The following KCNJ6 variants were observed in gnomAD, a reference collection of about 807,000 sequenced individuals.
KCNJ6 encodes the protein G protein-activated inward rectifier potassium channel 2.
In KCNJ6, 9 loss-of-function variants were observed where a neutral mutation model predicts 34.2. That is an observed-to-expected ratio of 0.26 (90% CI 0.16 to 0.46). The LOEUF is 0.46. KCNJ6 is among the 20% of genes least tolerant of loss of function. The probability of loss-of-function intolerance (pLI) is 1.00; values close to 1 mark genes in which losing one functional copy is unlikely to be tolerated. For synonymous variants in KCNJ6, 196 were observed against 207.1 expected (o/e 0.95, Z 0.46); for missense variants, 236 against 531.3 (o/e 0.44, Z 5.46).
At chr21:37,677,799 T>TCCAC (rs1326913105) in intron 3 of KCNJ6, among the ~76,000 whole-genome samples, 2 of 121,996 alleles carry the variant, frequency 1.6e-5, no homozygotes, top group Non-Finnish European at 3.2e-5. Context: ...CACCCACCTA[T>TCCAC]CCACCCACCC....
At chr21:37,724,660 G>A (rs149849327) in intron 2 of KCNJ6, among the ~76,000 whole-genome samples, 4 of 152,284 alleles carry the variant, frequency 2.6e-5, no homozygotes, top group South Asian at 4.1e-4. Flanking sequence ...GATCATGTTC[G>A]TTTGGGCATA....
At chr21:37,818,990 A>C (rs953737193) in intron 2 of KCNJ6, among the ~76,000 whole-genome samples, 1 of 152,208 alleles carries the variant, frequency 6.6e-6, no homozygotes, top group African/African-American at 2.4e-5. Context: ...AAATCAAGCC[A>C]CAAGTATTTT....
At chr21:37,640,223 A>G (rs1279283766) in intron 3 of KCNJ6, among the ~76,000 whole-genome samples, 1 of 152,254 alleles carries the variant, frequency 6.6e-6, no homozygotes, top group Non-Finnish European at 1.5e-5. Flanking sequence ...TTCATTTTAC[A>G]GAGCACAGTC....
chr21:37,753,558 C>T (rs969796476), intron 2 of KCNJ6, among the ~76,000 whole-genome samples: 9 of 152,254 alleles, frequency 5.9e-5, no homozygotes, highest in South Asian at 4.1e-4. Context: ...CCAAGGAACA[C>T]GACGCTCTTA....
chr21:37,912,322 C>A (rs992654618), intron 1 of KCNJ6, among the ~76,000 whole-genome samples: 1 of 152,158 alleles, frequency 6.6e-6, no homozygotes, highest in African/African-American at 2.4e-5. Context: ...AGGAAGAAAG[C>A]AAGTCATAGT....
intron 2 of KCNJ6, among the ~76,000 whole-genome samples, chr21:37,734,245 T>C (rs1476606741): frequency 6.6e-6 from 1 of 152,138 alleles, no homozygotes; most frequent in Admixed American, 6.5e-5. Context: ...AGCTGGTTTT[T>C]TTCCTGGTAG....
At chr21:37,648,012 G>A (rs1394836936) in intron 3 of KCNJ6, among the ~76,000 whole-genome samples, 1 of 152,226 alleles carries the variant, frequency 6.6e-6, no homozygotes, top group Non-Finnish European at 1.5e-5. Context: ...AGTCATGCCT[G>A]TGATCCGTGA....
intron 1 of KCNJ6, among the ~76,000 whole-genome samples, chr21:37,880,939 G>T (rs1183134383): frequency 6.6e-6 from 1 of 152,088 alleles, no homozygotes; most frequent in East Asian, 1.9e-4. Context: ...GATAGAGATG[G>T]CTCAGGAGGG....
intron 3 of KCNJ6, among the ~76,000 whole-genome samples, chr21:37,652,192 T>C (rs2054436846): frequency 6.6e-6 from 1 of 152,174 alleles, no homozygotes; most frequent in Non-Finnish European, 1.5e-5. Flanking sequence ...CTTCAGGTCA[T>C]AGGAGCCCAC....
chr21:37,910,066 A>G (rs1210580549), intron 1 of KCNJ6, among the ~76,000 whole-genome samples: 1 of 152,220 alleles, frequency 6.6e-6, no homozygotes, highest in East Asian at 1.9e-4. Flanking sequence ...ATACTGGGAT[A>G]GAGTGTTCCA....
intron 2 of KCNJ6, among the ~76,000 whole-genome samples, chr21:37,754,319 C>T (rs576771716): frequency 3.9e-5 from 6 of 152,240 alleles, no homozygotes; most frequent in East Asian, 1.9e-4. Context: ...AAAATGCAAC[C>T]GACTTTCTAA....
Position 37,616,608 on chromosome 21 carries a change from T to TATATATATAC in KCNJ6, c.*8550_*8551insGTATATATAT, listed in dbSNP as rs1410739814. The TATATATATAC allele has an allele frequency of 6.3e-5, 8 of 127,510 alleles. No individual in the cohort carries two copies. Among genetic ancestry groups the TATATATATAC allele is most frequent in the Non-Finnish European group, 1.3e-4 (8 of 60,754 alleles). The allele number at this position is 127,510 out of a possible 1,614,324, so 7.9% of individuals were successfully genotyped here. ...AAATGTACATATATATATATATATATATATATATGGTTAGACTCTGAACAT... is the reference window on the plus strand; with the variant it reads ...AAATGTACATATATATATATATATATATATATATACATATATATGGTTAGACTCTGAACAT... On this transcript the variant is annotated 3_prime_UTR_variant, in exon 4 of 4. Transcript: ENST00000609713.
intron 1 of KCNJ6, among the ~76,000 whole-genome samples, chr21:37,890,693 G>A (rs1433607745): frequency 2.6e-5 from 4 of 152,162 alleles, no homozygotes; most frequent in Non-Finnish European, 4.4e-5. Context: ...TGTAAATCAT[G>A]TACAAAGGAA....
At chr21:37,649,839 G>A (rs1173510877) in intron 3 of KCNJ6, among the ~76,000 whole-genome samples, 4 of 152,036 alleles carry the variant, frequency 2.6e-5, no homozygotes, top group South Asian at 2.1e-4. Context: ...TGCAAACTCC[G>A]CCTCCCAGGT....
chr21:37,871,216 G>A (rs947055222), intron 1 of KCNJ6, among the ~76,000 whole-genome samples: 6 of 152,286 alleles, frequency 3.9e-5, no homozygotes, highest in Admixed American at 2.0e-4. Flanking sequence ...ATCCTGTACC[G>A]TGGGGGGAGC....
intron 2 of KCNJ6, among the ~76,000 whole-genome samples, chr21:37,720,106 G>GA (rs1051043230): frequency 6.6e-6 from 1 of 151,474 alleles, no homozygotes; most frequent in Admixed American, 6.6e-5. Context: ...TTTGGGTGGG[G>GA]GGGTTCATGA....
At chr21:37,792,102 G>A (rs1290687072) in intron 2 of KCNJ6, among the ~76,000 whole-genome samples, 2 of 152,230 alleles carry the variant, frequency 1.3e-5, no homozygotes, top group Non-Finnish European at 2.9e-5. Flanking sequence ...ACACAGAGGT[G>A]CACATTCTCC....
chr21:37,899,352 G>A (rs1425115829), intron 1 of KCNJ6, among the ~76,000 whole-genome samples: 1 of 152,180 alleles, frequency 6.6e-6, no homozygotes, highest in African/African-American at 2.4e-5. Context: ...ATACAGCCAA[G>A]TTGGACTAGA....
chr21:37,674,551 C>A (rs12233305), intron 3 of KCNJ6, among the ~76,000 whole-genome samples: 75,927 of 150,664 alleles, frequency 0.5, 20,385 homozygotes, highest in African/African-American at 0.7. Context: ...GATGCTTCTC[C>A]AAGCTTCCTT....
Sources: gnomAD v4.1 joint callset for allele counts (sites outside exome capture counted in the v4.1 genomes callset) on GRCh38, gnomAD v4.1.1 for gene constraint, MANE v1.5 for transcripts, NCBI Gene and HGNC (gene_info 2026-07-23, HGNC 2026-07-21) for gene names.